Variants in NELL1 observed in about 807,000 individuals in gnomAD.
NELL1 encodes neural EGFL like 1.
In NELL1, 76 loss-of-function variants were observed where a neutral mutation model predicts 107.4. The observed-to-expected ratio is 0.71, with a 90% CI of 0.59 to 0.86. NELL1 has a LOEUF of 0.86. Ranked by LOEUF, NELL1 falls within the 40% of genes least tolerant of loss-of-function variation. The pLI, the probability that NELL1 is intolerant of heterozygous loss-of-function variation, is 0.00. For synonymous variants in NELL1, 353 were observed against 341.2 expected (o/e 1.03, Z -0.38); for missense variants, 1,024 against 1,005.5 (o/e 1.02, Z -0.25).
intron 4 of NELL1, among the ~76,000 whole-genome samples, chr11:20,882,455 T>C (rs1849427892): frequency 6.6e-6 from 1 of 152,198 alleles, no homozygotes; most frequent in African/African-American, 2.4e-5. Flanking sequence ...CACAGAAAAC[T>C]TATAGGAGTG....
chr11:21,177,926 T>C (rs1190794636), intron 13 of NELL1, among the ~76,000 whole-genome samples: 6 of 151,960 alleles, frequency 3.9e-5, no homozygotes, highest in African/African-American at 1.5e-4. Flanking sequence ...TTTGAAACAC[T>C]TCTATGCAGG....
intron 2 of NELL1, among the ~76,000 whole-genome samples, chr11:20,706,863 T>G (rs1241711230): frequency 6.6e-6 from 1 of 152,190 alleles, no homozygotes; most frequent in East Asian, 1.9e-4. Flanking sequence ...GTCTTGGAGT[T>G]GCTCTTCTCA....
At chr11:21,260,565 C>T (rs10466386) in intron 14 of NELL1, 37,234 of 151,792 alleles carry the variant, frequency 0.25, 5,762 homozygotes, top group Middle Eastern at 0.38. Flanking sequence ...TATCCTTTGA[C>T]GTCTCATACC....
At chr11:21,032,807 C>T (rs1196679471) in intron 12 of NELL1, among the ~76,000 whole-genome samples, 1 of 152,146 alleles carries the variant, frequency 6.6e-6, no homozygotes, top group African/African-American at 2.4e-5. Context: ...TTATACTGCA[C>T]AGTCATGTTG....
chr11:20,884,008 A>C lies in NELL1; in HGVS notation c.507-1436A>C, dbSNP rs949677652. Among the ~76,000 whole-genome samples, 26 of 152,352 alleles carry C rather than the reference A, an allele frequency of 1.7e-4. 1 individual carries two copies. The highest frequency in any genetic ancestry group is 1.6e-3 in the Admixed American group (24 of 15,302). On this transcript the variant is annotated intron_variant, in intron 4 of 19. Transcript: ENST00000357134. ...AACACATTCTGTCTTCTTTTTAGGA[A>C]AACTTATTTTTTCCTGATTATGTTT...
intron 2 of NELL1, among the ~76,000 whole-genome samples, chr11:20,713,113 G>A (rs1293678855): frequency 1.3e-5 from 2 of 152,132 alleles, no homozygotes; most frequent in Non-Finnish European, 2.9e-5. Flanking sequence ...GCCAGGAGGT[G>A]GCGCTTTCAA....
intron 15 of NELL1, among the ~76,000 whole-genome samples, chr11:21,402,864 G>C (rs1852132519): frequency 2.0e-5 from 3 of 151,696 alleles, no homozygotes; most frequent in Admixed American, 2.0e-4. Context: ...TGCTGCTAAA[G>C]TAGCCCTGAA....
intron 3 of NELL1, among the ~76,000 whole-genome samples, chr11:20,784,688 C>A (rs1350326494): frequency 6.6e-6 from 1 of 152,178 alleles, no homozygotes; most frequent in African/African-American, 2.4e-5. Context: ...AATTAATAAT[C>A]ATTAGGTAAC....
At chr11:21,290,389 A>C (rs1849224694) in intron 14 of NELL1, among the ~76,000 whole-genome samples, 1 of 88,562 alleles carries the variant, frequency 1.1e-5, no homozygotes, top group Non-Finnish European at 2.6e-5. Flanking sequence ...TAAATAAATA[A>C]AATAAATAGA....
chr11:20,752,313 G>A (rs1450138609), intron 2 of NELL1, among the ~76,000 whole-genome samples: 1 of 152,138 alleles, frequency 6.6e-6, no homozygotes, highest in Non-Finnish European at 1.5e-5. Flanking sequence ...AGTTTGGGAG[G>A]CCGAGGCAGG....
At chr11:21,093,767 G>C (rs1380374393) in intron 12 of NELL1, among the ~76,000 whole-genome samples, 2 of 152,118 alleles carry the variant, frequency 1.3e-5, no homozygotes, top group Non-Finnish European at 2.9e-5. Flanking sequence ...CAGATCTCAT[G>C]AGATTTATTC....
chr11:21,508,053 G>A (rs1855336235), intron 15 of NELL1, among the ~76,000 whole-genome samples: 1 of 151,876 alleles, frequency 6.6e-6, no homozygotes, highest in African/African-American at 2.4e-5. Context: ...CAAAGTGCTG[G>A]GATTACAGGT....
At chr11:20,977,454 CAG>C (rs1471945864) in intron 12 of NELL1, among the ~76,000 whole-genome samples, 4 of 151,926 alleles carry the variant, frequency 2.6e-5, no homozygotes, top group African/African-American at 9.7e-5. Context: ...TTACTAGAGA[CAG>C]GGTTTCACCA....
chr11:21,275,730 G>A (rs1336398851), intron 14 of NELL1, among the ~76,000 whole-genome samples: 1 of 152,206 alleles, frequency 6.6e-6, no homozygotes, highest in African/African-American at 2.4e-5. Context: ...TCTCTGGGAT[G>A]CAAGGCTGGT....
At chr11:21,234,197 T>G (rs984992308) in intron 14 of NELL1, among the ~76,000 whole-genome samples, 1 of 152,118 alleles carries the variant, frequency 6.6e-6, no homozygotes, top group African/African-American at 2.4e-5. Flanking sequence ...CAGAGAAAAA[T>G]GCAAGCATGG....
chr11:21,536,346 CTGTT>C (rs552357711), intron 16 of NELL1, among the ~76,000 whole-genome samples: 6 of 152,264 alleles, frequency 3.9e-5, no homozygotes, highest in African/African-American at 1.4e-4. Flanking sequence ...AATTTTATAA[CTGTT>C]TGGACCTGCC....
intron 12 of NELL1, among the ~76,000 whole-genome samples, chr11:20,999,333 A>G (rs914322604): frequency 6.6e-6 from 1 of 152,008 alleles, no homozygotes; most frequent in Non-Finnish European, 1.5e-5. Flanking sequence ...TCTCATCCTC[A>G]CCTCAGTCTG....
intron 12 of NELL1, among the ~76,000 whole-genome samples, chr11:20,960,764 C>T (rs1382321082): frequency 2.0e-5 from 3 of 152,108 alleles, no homozygotes; most frequent in South Asian, 2.1e-4. Context: ...CTTTGAAGGT[C>T]GTTATGAAGC....
chr11:21,462,183 C>G (rs1400679321), intron 15 of NELL1, among the ~76,000 whole-genome samples: 2 of 151,984 alleles, frequency 1.3e-5, no homozygotes, highest in East Asian at 3.9e-4. Flanking sequence ...AAACTGTAGT[C>G]TCATACAACT....
Sources: allele counts gnomAD v4.1 joint callset (sites outside exome capture counted in the v4.1 genomes callset), GRCh38; gene constraint gnomAD v4.1.1; transcripts MANE v1.5; gene names NCBI Gene and HGNC (gene_info 2026-07-23, HGNC 2026-07-21).